The following COL4A2 variants were observed in gnomAD, a reference collection of about 807,000 sequenced individuals.
The protein encoded by COL4A2 is collagen type IV alpha 2 chain.
Under a neutral mutation model 200.2 loss-of-function variants are expected in COL4A2, and 99 were observed. The ratio of observed to expected loss-of-function variants is 0.49; its 90% CI spans 0.42 to 0.58. COL4A2 has a LOEUF of 0.58. Among genes scored for constraint, COL4A2 ranks in the 20% least tolerant of loss-of-function variants. The pLI is 0.00. For missense variants in COL4A2, 1,950 were observed against 2,314.1 expected, an observed-to-expected ratio of 0.84 and a Z score of 3.23; for synonymous variants, 897 against 900.6, an observed-to-expected ratio of 1.00 and a Z score of 0.07.
At chr13:110,317,217 A>C (rs758117444) in intron 3 of COL4A2, among the ~76,000 whole-genome samples, 8 of 151,568 alleles carry the variant, frequency 5.3e-5, no homozygotes, top group South Asian at 2.1e-4. Context: ...CGTGCACCCC[A>C]CACACACAGA....
intron 3 of COL4A2, among the ~76,000 whole-genome samples, chr13:110,315,587 G>T (rs144417427): frequency 8.5e-5 from 13 of 152,236 alleles, no homozygotes; most frequent in Non-Finnish European, 1.8e-4. Flanking sequence ...GTAGAGACAG[G>T]GTTTCACCAT....
intron 40 of COL4A2, among the ~76,000 whole-genome samples, chr13:110,499,766 T>C (rs1339342713): frequency 6.6e-6 from 1 of 152,226 alleles, no homozygotes; most frequent in Non-Finnish European, 1.5e-5. Flanking sequence ...AACTGACTCA[T>C]GTTTGCTAAG....
chr13:110,450,709 T>A (rs1455599787), intron 20 of COL4A2, among the ~76,000 whole-genome samples: 1 of 151,962 alleles, frequency 6.6e-6, no homozygotes, highest in Non-Finnish European at 1.5e-5. Context: ...CACAGTGAGG[T>A]TTAGTTGCTG....
chr13:110,449,133 A>G (rs968093368), intron 18 of COL4A2, among the ~76,000 whole-genome samples: 2 of 152,260 alleles, frequency 1.3e-5, no homozygotes, highest in Admixed American at 6.5e-5. Context: ...TAATGCCTAC[A>G]TGATAAAAAG....
intron 3 of COL4A2, among the ~76,000 whole-genome samples, chr13:110,328,791 C>G (rs1004511121): frequency 6.6e-6 from 1 of 152,182 alleles, no homozygotes; most frequent in African/African-American, 2.4e-5. Flanking sequence ...GAGATCCTAG[C>G]GGATCCAAAG....
At chr13:110,479,269 A>G (rs2139520782) in intron 30 of COL4A2, among the ~76,000 whole-genome samples, 1 of 152,174 alleles carries the variant, frequency 6.6e-6, no homozygotes, top group African/African-American at 2.4e-5. Context: ...AGACACACAC[A>G]TTAAAAGGCT....
chr13:110,447,935 G>A (rs1881392962), intron 18 of COL4A2, among the ~76,000 whole-genome samples: 1 of 152,190 alleles, frequency 6.6e-6, no homozygotes, highest in Non-Finnish European at 1.5e-5. Context: ...GGCTTTGCAT[G>A]TCTTCATCCA....
At chr13:110,468,633 T>G (rs1282777509) in intron 27 of COL4A2, among the ~76,000 whole-genome samples, 1 of 152,152 alleles carries the variant, frequency 6.6e-6, no homozygotes, top group Non-Finnish European at 1.5e-5. Flanking sequence ...CTCCACTTTC[T>G]AAGAGTGAGG....
intron 3 of COL4A2, among the ~76,000 whole-genome samples, chr13:110,345,631 G>T (rs1876663102): frequency 6.6e-6 from 1 of 152,108 alleles, no homozygotes; most frequent in Admixed American, 6.6e-5. Context: ...TCAACTAAAG[G>T]GTTAATACCA....
In COL4A2 at chr13:110,466,150, G is replaced by C; in HGVS notation, c.2038+88G>C. The stretch of plus-strand genomic sequence containing the variant: ...AGCTCTTGCAGTATGCGTGGGATAA[G>C]AAATATTAATAATATGTGCAAGCCA... On this transcript the variant is annotated intron_variant, in intron 26 of 47. Transcript: ENST00000360467. 3 of 1,468,120 alleles carry C rather than the reference G, an allele frequency of 2.0e-6. No individual in the cohort carries two copies. The East Asian group carries it at 6.9e-5, about 34-fold the overall frequency. 90.9% of individuals were successfully genotyped at this position (1,468,120 alleles called of 1,614,324 possible).
chr13:110,466,505 A>G (rs1243291007), intron 26 of COL4A2, among the ~76,000 whole-genome samples: 1 of 152,204 alleles, frequency 6.6e-6, no homozygotes. Context: ...GGCTCTCACA[A>G]TACCCCAGCT....
chr13:110,402,485 C>T (rs752628949), intron 4 of COL4A2, among the ~76,000 whole-genome samples: 3 of 152,200 alleles, frequency 2.0e-5, no homozygotes, highest in Non-Finnish European at 2.9e-5. Flanking sequence ...CCTTGAGTCT[C>T]GGGGCAGCCC....
intron 20 of COL4A2, among the ~76,000 whole-genome samples, chr13:110,455,252 C>T (rs562209315): frequency 6.6e-6 from 1 of 152,290 alleles, no homozygotes; most frequent in South Asian, 2.1e-4. Flanking sequence ...TTCTTCCCCT[C>T]CCTTTGTGCA....
At chr13:110,415,216 A>G (rs1879994974) in intron 4 of COL4A2, among the ~76,000 whole-genome samples, 1 of 152,238 alleles carries the variant, frequency 6.6e-6, no homozygotes, top group Admixed American at 6.5e-5. Context: ...CAACTCTGTT[A>G]TTTGTTGTGT....
chr13:110,338,440 G>A (rs1330128965), intron 3 of COL4A2, among the ~76,000 whole-genome samples: 1 of 149,276 alleles, frequency 6.7e-6, no homozygotes, highest in Admixed American at 6.7e-5. Context: ...TGTGTGGGGG[G>A]GGGTGGGGGT....
chr13:110,436,486 C>T, intron 13 of COL4A2, 119 bp downstream of exon 13: 1 of 1,333,408 alleles, frequency 7.5e-7, no homozygotes, highest in African/African-American at 1.5e-5. Context: ...CAACTTGGCA[C>T]ATTACCCATG....
At chr13:110,356,712 A>T (rs1191606854) in intron 3 of COL4A2, among the ~76,000 whole-genome samples, 2 of 151,610 alleles carry the variant, frequency 1.3e-5, no homozygotes, top group South Asian at 2.1e-4. Flanking sequence ...GATTCTCGGA[A>T]TGTTCTCCTG....
chr13:110,421,339 A>C (rs1880243609), intron 4 of COL4A2, among the ~76,000 whole-genome samples: 1 of 152,242 alleles, frequency 6.6e-6, no homozygotes, highest in African/African-American at 2.4e-5. Context: ...AGTAGCCAAA[A>C]GGTAGAGACA....
Position 110,327,244 on chromosome 13 carries a change from C to T in COL4A2, c.99+19121C>T, listed in dbSNP as rs151235142. Among the ~76,000 whole-genome samples, 596 of 152,342 alleles carry T rather than the reference C, an allele frequency of 3.9e-3. 2 individuals carry two copies. Among genetic ancestry groups the T allele is most frequent in the African/African-American group, 0.014 (563 of 41,586 alleles). ...GGGGCCCCCACCCATGGAATTTGGG[C>T]GTCCCCAGTTACTCTGGTTGGGTTG... On this transcript the variant is annotated intron_variant, in intron 3 of 47. Transcript: ENST00000360467.
Sources: gnomAD v4.1 joint callset for allele counts (sites outside exome capture counted in the v4.1 genomes callset) on GRCh38, gnomAD v4.1.1 for gene constraint, MANE v1.5 for transcripts, NCBI Gene and HGNC (gene_info 2026-07-23, HGNC 2026-07-21) for gene names.